THSD4: variants seen among roughly 807,000 people sequenced by gnomAD.
The protein encoded by THSD4 is thrombospondin type 1 domain containing 4.
Under a neutral mutation model 119.0 loss-of-function variants are expected in THSD4, and 69 were observed. The ratio of observed to expected loss-of-function variants is 0.58; its 90% CI spans 0.48 to 0.71. THSD4 has a LOEUF of 0.71. Ranked by LOEUF, THSD4 falls within the 30% of genes least tolerant of loss-of-function variation. The pLI is 0.00. For missense variants in THSD4, 1,393 were observed against 1,391.1 expected, an observed-to-expected ratio of 1.00 and a Z score of -0.02; for synonymous variants, 524 against 540.4, an observed-to-expected ratio of 0.97 and a Z score of 0.42.
At chr15:71,294,460 A>C (rs942400717) in intron 6 of THSD4, among the ~76,000 whole-genome samples, 4 of 152,114 alleles carry the variant, frequency 2.6e-5, no homozygotes, top group Non-Finnish European at 5.9e-5. Context: ...ACAGGCTGGG[A>C]GTTCAGGATC....
intron 6 of THSD4, among the ~76,000 whole-genome samples, chr15:71,381,850 T>G (rs7181363): frequency 0.65 from 98,967 of 151,946 alleles, 32,750 homozygotes; most frequent in East Asian, 0.8. Flanking sequence ...CATTATTTCT[T>G]ATTTGACAAT....
intron 6 of THSD4, among the ~76,000 whole-genome samples, chr15:71,265,050 C>G (rs1368661679): frequency 6.6e-6 from 1 of 151,958 alleles, no homozygotes; most frequent in African/African-American, 2.4e-5. Context: ...AAGAGGAACA[C>G]TAATATTACC....
upstream of THSD4, chr15:71,112,353 C>T (rs1038551322): frequency 1.0e-6 from 1 of 1,002,174 alleles, no homozygotes. Flanking sequence ...TATAATAGGA[C>T]AACAGGTGTA....
intron 6 of THSD4, among the ~76,000 whole-genome samples, chr15:71,390,195 A>G (rs1462757008): frequency 1.3e-5 from 2 of 152,198 alleles, no homozygotes; most frequent in African/African-American, 4.8e-5. Context: ...GCCTTTATAT[A>G]TACCTACTAT....
At chr15:71,631,057 C>A (rs1016048749) in intron 7 of THSD4, among the ~76,000 whole-genome samples, 1 of 152,192 alleles carries the variant, frequency 6.6e-6, no homozygotes, top group Admixed American at 6.5e-5. Context: ...CTGGGGAGGG[C>A]AAGATCTCCC....
chr15:71,260,543 A>C (rs888498171), intron 6 of THSD4, among the ~76,000 whole-genome samples: 7 of 152,142 alleles, frequency 4.6e-5, no homozygotes, highest in Admixed American at 3.9e-4. Flanking sequence ...ACCCAAACTA[A>C]ATACATTTTG....
At chr15:71,455,321 G>A (rs572370802) in intron 7 of THSD4, among the ~76,000 whole-genome samples, 1 of 152,308 alleles carries the variant, frequency 6.6e-6, no homozygotes, top group African/African-American at 2.4e-5. Flanking sequence ...TGCATGGAAG[G>A]TGATATTACA....
chr15:71,216,935 TAC>T (rs896122394), intron 4 of THSD4, among the ~76,000 whole-genome samples: 1 of 152,178 alleles, frequency 6.6e-6, no homozygotes, highest in Non-Finnish European at 1.5e-5. Flanking sequence ...CAGCTGGGAT[TAC>T]AGGCATGCAC....
At chr15:71,718,070 G>T (rs2052642680) in intron 8 of THSD4, among the ~76,000 whole-genome samples, 1 of 151,322 alleles carries the variant, frequency 6.6e-6, no homozygotes, top group South Asian at 2.1e-4. Flanking sequence ...AATTGCTTGA[G>T]CCTGGGAAGT....
At chr15:71,747,118 C>T in intron 13 of THSD4, 76 bp downstream of exon 13, 9 of 1,486,744 alleles carry the variant, frequency 6.1e-6, no homozygotes, top group South Asian at 2.5e-5. Context: ...CCCACCAAGA[C>T]CTGAGATGGG....
In THSD4 at chr15:71,304,871, C is replaced by G. The variant is rs2045002462; in HGVS notation, c.1015+48156C>G. Among the ~76,000 whole-genome samples the G allele has an allele frequency of 2.0e-5, 3 of 152,234 alleles. 1 individual carries two copies. The South Asian group carries it at 6.2e-4, about 32-fold the overall frequency. ...TCATTAATCATCCTGGCATCATGAGCTCATATTGTTATGAAATAAATATGC... is the reference window on the plus strand; with the variant it reads ...TCATTAATCATCCTGGCATCATGAGGTCATATTGTTATGAAATAAATATGC... On this transcript the variant is annotated intron_variant, in intron 6 of 17. Coordinates refer to ENST00000261862, the MANE Select transcript of THSD4 (RefSeq NM_024817.3).
At chr15:71,286,740 A>C (rs2044722631) in intron 6 of THSD4, among the ~76,000 whole-genome samples, 1 of 152,146 alleles carries the variant, frequency 6.6e-6, no homozygotes, top group African/African-American at 2.4e-5. Flanking sequence ...TGTCTTCCAC[A>C]ATGGCTGAAC....
At chr15:71,171,066 G>A (rs2043356589) in intron 3 of THSD4, among the ~76,000 whole-genome samples, 1 of 152,102 alleles carries the variant, frequency 6.6e-6, no homozygotes, top group Non-Finnish European at 1.5e-5. Context: ...CTTCAGGTTG[G>A]CTAATACATG....
chr15:71,350,279 T>C (rs941496556), intron 6 of THSD4, among the ~76,000 whole-genome samples: 16 of 152,200 alleles, frequency 1.1e-4, no homozygotes, highest in African/African-American at 3.1e-4. Context: ...AAAGTTATGC[T>C]TTTCAGCATA....
chr15:71,636,868 G>A (rs771816983), intron 7 of THSD4, among the ~76,000 whole-genome samples: 4 of 151,688 alleles, frequency 2.6e-5, no homozygotes, highest in East Asian at 1.9e-4. Context: ...TGGGCCAGGC[G>A]CTCTCTCTCA....
intron 6 of THSD4, among the ~76,000 whole-genome samples, chr15:71,350,068 T>C (rs910134014): frequency 6.6e-6 from 1 of 151,676 alleles, no homozygotes; most frequent in Non-Finnish European, 1.5e-5. Flanking sequence ...TTCTAGCACA[T>C]TTATAGTGTA....
At chr15:71,729,378 G>C (rs918384855) in intron 9 of THSD4, 1 of 152,342 alleles carries the variant, frequency 6.6e-6, no homozygotes, top group East Asian at 1.9e-4. Context: ...AGGAAATAAA[G>C]GGTGATAAGA....
chr15:71,703,414 T>G lies in THSD4; in HGVS notation c.1358-25135T>G, dbSNP rs75947144. Reference sequence around the variant, plus strand: ...TTTGTGTTAGATTACAAGGGAGATTTAACATATTTCCATTAGCTTATGTCA... The same window carrying G: ...TTTGTGTTAGATTACAAGGGAGATTGAACATATTTCCATTAGCTTATGTCA... On this transcript the variant is annotated intron_variant, in intron 8 of 17. Transcript: ENST00000261862. Among the ~76,000 whole-genome samples the G allele has an allele frequency of 1.3e-4, 20 of 152,366 alleles. 1 individual carries two copies. In the East Asian group the frequency reaches 3.7e-3, roughly 28 times the overall value.
chr15:71,592,722 A>G (rs980001918), intron 7 of THSD4, among the ~76,000 whole-genome samples: 1 of 152,048 alleles, frequency 6.6e-6, no homozygotes, highest in Admixed American at 6.5e-5. Context: ...TTTGGAACGT[A>G]GCCTGCCTCT....
Sources: gnomAD v4.1 joint callset for allele counts (sites outside exome capture counted in the v4.1 genomes callset) on GRCh38, gnomAD v4.1.1 for gene constraint, MANE v1.5 for transcripts, NCBI Gene and HGNC (gene_info 2026-07-23, HGNC 2026-07-21) for gene names.